MAN2A1: variants seen among roughly 807,000 people sequenced by gnomAD.
MAN2A1 encodes alpha-mannosidase 2.
Under a neutral mutation model 142.6 loss-of-function variants are expected in MAN2A1, and 76 were observed. The observed-to-expected ratio is 0.53, with a 90% confidence interval of 0.44 to 0.65. The LOEUF (loss-of-function observed/expected upper bound fraction) is 0.65. Ranked by LOEUF, MAN2A1 falls within the 30% of genes least tolerant of loss-of-function variation. MAN2A1 has a pLI of 0.00. For synonymous variants in MAN2A1, 559 were observed against 473.2 expected, an observed-to-expected ratio of 1.18 and a Z score of -2.35; for missense variants, 1,311 against 1,365.1, an observed-to-expected ratio of 0.96 and a Z score of 0.62.
intron 5 of MAN2A1, among the ~76,000 whole-genome samples, chr5:109,766,826 C>A (rs1355736615): frequency 6.6e-6 from 1 of 152,072 alleles, no homozygotes; most frequent in Non-Finnish European, 1.5e-5. Context: ...CTAACCAGTA[C>A]ATTTATTATC....
chr5:109,849,301 C>A (rs1469285526), intron 19 of MAN2A1, among the ~76,000 whole-genome samples: 1 of 152,180 alleles, frequency 6.6e-6, no homozygotes, highest in Non-Finnish European at 1.5e-5. Context: ...CCAACTTAGG[C>A]TTGTGTCTGA....
intron 3 of MAN2A1, among the ~76,000 whole-genome samples, chr5:109,716,902 T>C (rs1751470107): frequency 6.6e-6 from 1 of 152,190 alleles, no homozygotes; most frequent in Non-Finnish European, 1.5e-5. Context: ...TTACTGCATA[T>C]GATGGCGTTT....
chr5:109,710,702 T>C (rs1751275754), intron 1 of MAN2A1, among the ~76,000 whole-genome samples: 1 of 151,998 alleles, frequency 6.6e-6, no homozygotes, highest in Admixed American at 6.6e-5. Context: ...ACCTATTTTT[T>C]TTTTTGAGAC....
intron 16 of MAN2A1, among the ~76,000 whole-genome samples, chr5:109,838,237 C>T (rs1755108225): frequency 6.6e-6 from 1 of 152,270 alleles, no homozygotes; most frequent in African/African-American, 2.4e-5. Context: ...TAAACAAACT[C>T]CATTCTCTCT....
chr5:109,719,951 C>G (rs977957279), intron 3 of MAN2A1, among the ~76,000 whole-genome samples: 1 of 152,166 alleles, frequency 6.6e-6, no homozygotes, highest in East Asian at 1.9e-4. Flanking sequence ...ATGCTGATAA[C>G]TTTGTACTGT....
chr5:109,731,188 C>G (rs940983318), intron 4 of MAN2A1, among the ~76,000 whole-genome samples: 5 of 151,610 alleles, frequency 3.3e-5, no homozygotes, highest in African/African-American at 1.2e-4. Flanking sequence ...TCTGTCACCT[C>G]AAACATTTAT....
rs191964667 is a variant in MAN2A1, at chr5:109,734,762, A to C, written c.707+5249A>C. 1.8e-3 allele frequency among the ~76,000 whole-genome samples: 270 copies of C among 152,236 alleles called. 1 individual carries two copies. Among genetic ancestry groups the C allele is most frequent in the African/African-American group, 6.3e-3 (262 of 41,550 alleles). On this transcript the variant is annotated intron_variant, in intron 4 of 21. Transcript: ENST00000261483. The stretch of plus-strand genomic sequence containing the variant: ...AGTTTGTTATAATTTCTGTTCTTTT[A>C]CGTTTGCTGAGGAGGGCTTTACTTC...
At position 109,767,601 on chromosome 5, in the gene MAN2A1, T is replaced by C. The variant is rs1753028439; in HGVS notation, c.902T>C (p.Leu301Pro). The change falls in exon 6 of 22, where the codon CTA becomes CCA. Residue 301 changes from leucine (L) to proline (P), a missense_variant. Physicochemically the swap from Leu to Pro is moderately conservative, Grantham distance 98. Around this residue, in one of 3 missense-constraint regions of MAN2A1, gnomAD observed 409 missense variants for 412.7 expected, o/e 0.99. Coordinates refer to ENST00000261483, the MANE Select transcript of MAN2A1 (RefSeq NM_002372.4). ...CACTCACCAACAATGGCTTATCTTC[T>C]AAACCGTGCTGGACTTTCTCACATG... ...FGHSPTMAYL[L>P]NRAGLSHMLI... is the part of the protein sequence containing the mutation. 6.2e-7 allele frequency: 1 copy of C among 1,613,702 alleles called. No homozygotes were observed. Among genetic ancestry groups the C allele is most frequent in the African/African-American group, 1.3e-5 (1 of 74,922 alleles).
rs1451523295 is a variant in MAN2A1, at chr5:109,847,777, G to C, written c.2963G>C (p.Ser988Thr). The C allele has an allele frequency of 6.3e-7, 1 of 1,584,756 alleles. No homozygotes were observed. The highest frequency in any genetic ancestry group is 2.3e-5 in the East Asian group (1 of 43,056). ...NLFRILLEKR[S>T]AVNTEEEKKS... ...TTTCGAATACTACTAGAAAAAAGAAGTGCTGTTAATACGGTATGAAAAAAT... is the reference window on the plus strand; with the variant it reads ...TTTCGAATACTACTAGAAAAAAGAACTGCTGTTAATACGGTATGAAAAAAT... The change falls in exon 19 of 22, where the codon AGT (serine) becomes ACT (threonine). Residue 988 changes from serine (S) to threonine (T), a missense_variant. Around this residue, in one of 3 missense-constraint regions of MAN2A1, gnomAD observed 890 missense variants for 920.5 expected, o/e 0.97. Coordinates refer to ENST00000261483, the MANE Select transcript of MAN2A1 (RefSeq NM_002372.4).
At chr5:109,866,797 A>C (rs778634024) in intron 21 of MAN2A1, 49 bp from the exon 22 acceptor site, 1 of 1,259,046 alleles carries the variant, frequency 7.9e-7, no homozygotes, top group Non-Finnish European at 1.1e-6. Flanking sequence ...TTGTGCTGCT[A>C]ATCTTCAAAG....
chr5:109,822,985 T>TTA (rs1394916870), intron 15 of MAN2A1, among the ~76,000 whole-genome samples: 2 of 152,178 alleles, frequency 1.3e-5, no homozygotes, highest in Admixed American at 6.5e-5. Context: ...GCCGAAAATC[T>TTA]TACACTGTTT....
intron 4 of MAN2A1, among the ~76,000 whole-genome samples, chr5:109,746,745 T>G (rs1752417733): frequency 1.3e-5 from 2 of 152,158 alleles, no homozygotes; most frequent in South Asian, 2.1e-4. Flanking sequence ...AAATGCAAAC[T>G]TTGTACCTGT....
At chr5:109,785,972 T>C (rs1473501048) in intron 10 of MAN2A1, among the ~76,000 whole-genome samples, 2 of 152,120 alleles carry the variant, frequency 1.3e-5, no homozygotes, top group Non-Finnish European at 2.9e-5. Flanking sequence ...TTACTAATTG[T>C]AGTAAATGTT....
intron 10 of MAN2A1, among the ~76,000 whole-genome samples, chr5:109,785,639 G>C (rs1208418709): frequency 6.6e-6 from 1 of 152,056 alleles, no homozygotes; most frequent in African/African-American, 2.4e-5. Context: ...TAAGGGGGAA[G>C]AAATCTTACC....
chr5:109,705,566 G>C (rs1459198641), intron 1 of MAN2A1, among the ~76,000 whole-genome samples: 4 of 152,154 alleles, frequency 2.6e-5, no homozygotes, highest in African/African-American at 9.7e-5. Context: ...AAAGGACTAA[G>C]CATAAGAATA....
At chr5:109,821,742 G>A (rs759515416) in intron 15 of MAN2A1, among the ~76,000 whole-genome samples, 1 of 151,884 alleles carries the variant, frequency 6.6e-6, no homozygotes, top group Non-Finnish European at 1.5e-5. Flanking sequence ...TTCTTTGACT[G>A]TTTTTCTGTT....
At chr5:109,780,533 TG>T (rs1753428069) in intron 8 of MAN2A1, among the ~76,000 whole-genome samples, 1 of 151,490 alleles carries the variant, frequency 6.6e-6, no homozygotes, top group African/African-American at 2.4e-5. Flanking sequence ...TGTGTGTGTG[TG>T]TGTGTGTGTG....
intron 4 of MAN2A1, among the ~76,000 whole-genome samples, chr5:109,753,230 G>A (rs537903296): frequency 1.3e-5 from 2 of 152,166 alleles, no homozygotes; most frequent in African/African-American, 4.8e-5. Context: ...GAAGCATAAC[G>A]CATAAGGGGC....
chr5:109,746,829 C>G (rs1752421550), intron 4 of MAN2A1, among the ~76,000 whole-genome samples: 1 of 152,128 alleles, frequency 6.6e-6, no homozygotes, highest in Admixed American at 6.6e-5. Context: ...TTTGACTACT[C>G]TATTAGGTGC....
Sources: allele counts gnomAD v4.1 joint callset (sites outside exome capture counted in the v4.1 genomes callset), GRCh38; gene constraint gnomAD v4.1.1; regional missense constraint gnomAD v4.1.1; transcripts MANE v1.5; gene names NCBI Gene and HGNC (gene_info 2026-07-23, HGNC 2026-07-21).